Variants in RIPK2 observed in about 807,000 individuals in gnomAD.
RIPK2 encodes the protein receptor interacting serine/threonine kinase 2, also known as receptor-interacting serine/threonine-protein kinase 2.
In RIPK2, 38 loss-of-function variants were observed where a neutral mutation model predicts 60.9. The ratio of observed to expected loss-of-function variants is 0.62; its 90% CI spans 0.48 to 0.82. RIPK2 has a LOEUF of 0.82. Ranked by LOEUF, RIPK2 falls within the 40% of genes least tolerant of loss-of-function variation. RIPK2 has a pLI of 0.00. For synonymous variants in RIPK2, 225 were observed against 223.4 expected (o/e 1.01, Z -0.06); for missense variants, 518 against 647.0 (o/e 0.80, Z 2.16).
At chr8:89,786,745 A>C in intron 9 of RIPK2, 59 bp downstream of exon 9, 1 of 1,004,784 alleles carries the variant, frequency 1.0e-6, no homozygotes, top group South Asian at 1.4e-5. Flanking sequence ...TTCAAGATCA[A>C]ATTTTTGCAA....
chr8:89,775,600 G>A (rs565029152), intron 6 of RIPK2, among the ~76,000 whole-genome samples: 47 of 152,336 alleles, frequency 3.1e-4, no homozygotes, highest in Non-Finnish European at 5.6e-4. Context: ...TGCTGGAGAG[G>A]TGGAGGAAAT....
At chr8:89,763,899 A>G (rs982403065) in intron 2 of RIPK2, among the ~76,000 whole-genome samples, 2 of 152,136 alleles carry the variant, frequency 1.3e-5, no homozygotes, top group Non-Finnish European at 2.9e-5. Context: ...ATAAATCACA[A>G]TTTCTCTTTT....
At position 89,790,411 on chromosome 8, in the gene RIPK2, A is replaced by T. The variant is rs776615234; in HGVS notation, c.1618A>T (p.Met540Leu). 1.3e-6 allele frequency: 2 copies of T among 1,571,746 alleles called. No homozygotes were observed. Among genetic ancestry groups the T allele is most frequent in the Non-Finnish European group, 1.7e-6 (2 of 1,158,020 alleles). ...PSLNLLQNKS[M>L] ...TTTAAATTTACTTCAAAATAAAAGC[A>T]TGTAAGTGACTGTTTTTCAAGAAGA... The change falls in exon 11 of 11, where the codon ATG becomes TTG. Residue 540 changes from methionine (M) to leucine (L), a missense_variant. Met to Leu is a conservative substitution (Grantham distance 15). Coordinates refer to ENST00000220751, the MANE Select transcript of RIPK2 (RefSeq NM_003821.6).
At chr8:89,776,306 G>A (rs903034991) in intron 6 of RIPK2, among the ~76,000 whole-genome samples, 6 of 152,152 alleles carry the variant, frequency 3.9e-5, no homozygotes, top group Admixed American at 2.0e-4. Flanking sequence ...GGACTTAAGT[G>A]TCTCCTCCAA....
At chr8:89,779,758 G>A (rs1166599584) in intron 6 of RIPK2, among the ~76,000 whole-genome samples, 3 of 152,150 alleles carry the variant, frequency 2.0e-5, no homozygotes, top group African/African-American at 7.2e-5. Context: ...TGTGTAGTGT[G>A]ATATAAGTAT....
At chr8:89,781,574 T>C (rs1372912089) in intron 7 of RIPK2, among the ~76,000 whole-genome samples, 1 of 151,794 alleles carries the variant, frequency 6.6e-6, no homozygotes, top group Non-Finnish European at 1.5e-5. Flanking sequence ...GGATTGTTCT[T>C]TTTTTTAAAA....
intron 3 of RIPK2, among the ~76,000 whole-genome samples, chr8:89,768,207 A>C (rs1809259579): frequency 6.6e-6 from 1 of 151,744 alleles, no homozygotes; most frequent in Admixed American, 6.6e-5. Context: ...TTCTTAAGCA[A>C]CAAAGTACAC....
chr8:89,787,219 C>CA (rs1343423686), intron 9 of RIPK2, among the ~76,000 whole-genome samples: 2 of 151,738 alleles, frequency 1.3e-5, no homozygotes, highest in Non-Finnish European at 2.9e-5. Context: ...AAAATGTCCG[C>CA]AAAAAAATCT....
chr8:89,775,326 C>T (rs1586126249), intron 6 of RIPK2, among the ~76,000 whole-genome samples: 1 of 152,176 alleles, frequency 6.6e-6, no homozygotes, highest in East Asian at 1.9e-4. Context: ...GGTTCGTTGC[C>T]TGTAATCCCA....
chr8:89,772,867 G>GTATATT, intron 6 of RIPK2, 39 bp downstream of exon 6: 1 of 1,387,470 alleles, frequency 7.2e-7, no homozygotes, highest in Non-Finnish European at 9.8e-7. Flanking sequence ...TTGAATTACA[G>GTATATT]AATTAGTTAA....
Position 89,790,300 on chromosome 8 carries a change from A to G in RIPK2, c.1507A>G (p.Lys503Glu). 6.2e-7 allele frequency: 1 copy of G among 1,614,172 alleles called. No homozygotes were observed. The highest frequency in any genetic ancestry group is 8.5e-7 in the Non-Finnish European group (1 of 1,179,986). ...TTDIQGEEFA[K>E]VIVQKLKDNK... The stretch of plus-strand genomic sequence containing the variant: ...TGACATCCAAGGAGAAGAATTTGCC[A>G]AAGTTATAGTACAAAAATTGAAAGA... The change falls in exon 11 of 11, where the codon AAA becomes GAA. Residue 503 changes from lysine to glutamate, a missense_variant. Lys to Glu is a moderately conservative substitution (Grantham distance 56, BLOSUM62 1). This residue lies in a region of RIPK2 where 41 missense variants were observed against 43.7 expected (regional missense o/e 0.94). Coordinates refer to ENST00000220751, the MANE Select transcript of RIPK2 (RefSeq NM_003821.6).
intron 1 of RIPK2, among the ~76,000 whole-genome samples, chr8:89,762,548 T>C (rs1012046338): frequency 3.3e-5 from 5 of 152,216 alleles, no homozygotes; most frequent in Non-Finnish European, 5.9e-5. Flanking sequence ...CTATGTTCTT[T>C]CCCATTCCTG....
At chr8:89,758,312 G>T in intron 1 of RIPK2, 79 bp downstream of exon 1, 1 of 1,417,634 alleles carries the variant, frequency 7.1e-7, no homozygotes, top group Non-Finnish European at 9.4e-7. Context: ...GGGCTCTAGA[G>T]CCCAAATGGC....
At position 89,758,067 on chromosome 8, in the gene RIPK2, G is replaced by C; in HGVS notation, c.7G>C (p.Gly3Arg). 2 of 1,598,888 alleles carry C rather than the reference G, an allele frequency of 1.3e-6. No individual in the cohort carries two copies. The highest frequency in any genetic ancestry group is 1.7e-6 in the Non-Finnish European group (2 of 1,173,012). Residue 3 changes from glycine to arginine, a missense_variant, in exon 1 of 11, where the codon GGG (glycine) becomes CGG (arginine). Physicochemically the swap from Gly to Arg is moderately radical, Grantham distance 125. Around this residue, in one of 3 missense-constraint regions of RIPK2, gnomAD observed 448 missense variants for 534.7 expected, o/e 0.84. Transcript: ENST00000220751. MN[G>R]EAICSALPTI... ...GGCCTGAGCGCCCGGGACCATGAAC[G>C]GGGAGGCCATCTGCAGCGCCCTGCC...
intron 7 of RIPK2, among the ~76,000 whole-genome samples, chr8:89,781,207 C>A (rs906097869): frequency 1.5e-4 from 22 of 151,694 alleles, no homozygotes; most frequent in African/African-American, 5.3e-4. Context: ...GTGACATAAC[C>A]CTTGGTTTCA....
At position 89,778,554 on chromosome 8, in the gene RIPK2, A is replaced by T. The variant is rs79143009; in HGVS notation, c.854-1521A>T. ...TTTTCTGGATATTTCATATAAATGG[A>T]ATGATAACAATGTGTGGTCCTTTTG... On this transcript the variant is annotated intron_variant, in intron 6 of 10. Coordinates refer to ENST00000220751, the MANE Select transcript of RIPK2 (RefSeq NM_003821.6). Among the ~76,000 whole-genome samples, 1,037 of 152,282 alleles carry T rather than the reference A, an allele frequency of 6.8e-3. 10 individuals carry two copies. The highest frequency in any genetic ancestry group is 7.3e-3 in the Non-Finnish European group (498 of 68,014).
Position 89,758,076 on chromosome 8 carries a change from A to G in RIPK2, c.16A>G (p.Ile6Val). ...GCCCGGGACCATGAACGGGGAGGCCATCTGCAGCGCCCTGCCCACCATTCC... is the reference window on the plus strand; with the variant it reads ...GCCCGGGACCATGAACGGGGAGGCCGTCTGCAGCGCCCTGCCCACCATTCC... MNGEA[I>V]CSALPTIPYH... Residue 6 changes from isoleucine to valine, a missense_variant, in exon 1 of 11, where the codon ATC becomes GTC. Coordinates refer to ENST00000220751, the MANE Select transcript of RIPK2 (RefSeq NM_003821.6). The G allele has an allele frequency of 6.2e-7, 1 of 1,603,130 alleles. No individual in the cohort carries two copies. Among genetic ancestry groups the G allele is most frequent in the Non-Finnish European group, 8.5e-7 (1 of 1,175,202 alleles).
At chr8:89,767,778 C>T (rs2130552475) in intron 3 of RIPK2, among the ~76,000 whole-genome samples, 1 of 151,794 alleles carries the variant, frequency 6.6e-6, no homozygotes, top group Non-Finnish European at 1.5e-5. Flanking sequence ...AGAATAAATC[C>T]AATTTAGTTA....
intron 5 of RIPK2, among the ~76,000 whole-genome samples, chr8:89,772,373 CCTT>C (rs1269757575): frequency 6.6e-6 from 1 of 151,768 alleles, no homozygotes; most frequent in African/African-American, 2.4e-5. Flanking sequence ...TTGCTGTAGC[CCTT>C]CTTAGTTCTG....
Sources: allele counts gnomAD v4.1 joint callset (sites outside exome capture counted in the v4.1 genomes callset), GRCh38; gene constraint gnomAD v4.1.1; regional missense constraint gnomAD v4.1.1; transcripts MANE v1.5; gene names NCBI Gene and HGNC (gene_info 2026-07-23, HGNC 2026-07-21).